ZFHX3: variants seen among roughly 807,000 people sequenced by gnomAD.
The protein encoded by ZFHX3 is zinc finger homeobox protein 3.
ZFHX3 carries 42 observed loss-of-function variants against 279.1 expected under a neutral mutation model. That is an observed-to-expected ratio of 0.15 (90% CI 0.12 to 0.19). The LOEUF is 0.19. Ranked by LOEUF, ZFHX3 falls within the 10% of genes least tolerant of loss-of-function variation. The pLI, the probability that ZFHX3 is intolerant of heterozygous loss-of-function variation, is 1.00. For missense variants in ZFHX3, 4,981 were observed against 4,754.0 expected (o/e 1.05, Z -1.40); for synonymous variants, 2,293 against 1,957.8 (o/e 1.17, Z -4.52).
intron 3 of ZFHX3, among the ~76,000 whole-genome samples, chr16:73,376,731 C>T (rs775014627): frequency 2.6e-5 from 4 of 152,118 alleles, no homozygotes; most frequent in Non-Finnish European, 4.4e-5. Flanking sequence ...GGAGGATGTG[C>T]ATCTTCTGTG....
chr16:73,538,394 C>T (rs1459875924), intron 2 of ZFHX3, among the ~76,000 whole-genome samples: 1 of 152,070 alleles, frequency 6.6e-6, no homozygotes, highest in Non-Finnish European at 1.5e-5. Context: ...AGTAATCAAC[C>T]TCAATTTCAG....
chr16:72,919,303 C>T (rs913792410), intron 3 of ZFHX3, among the ~76,000 whole-genome samples: 4 of 152,166 alleles, frequency 2.6e-5, no homozygotes, highest in South Asian at 4.1e-4. Context: ...GGACTACAGG[C>T]GTGCACCACC....
chr16:73,088,867 C>T (rs935560731), intron 8 of ZFHX3, among the ~76,000 whole-genome samples: 1 of 152,134 alleles, frequency 6.6e-6, no homozygotes, highest in African/African-American at 2.4e-5. Context: ...CTTGACCCTA[C>T]ATAGATCCTG....
In ZFHX3 at chr16:73,804,525, A is replaced by C. The variant is rs368052226; in HGVS notation, c.-1608+87126T>G. ...GAGGTGTAATTTCAGGGGCCAAGGA[A>C]AGCTTTATCCGCACCTTTCTTTCCC... On this transcript the variant is annotated intron_variant, in intron 1 of 17. Transcript: ENST00000641206. 3.3e-5 allele frequency among the ~76,000 whole-genome samples: 5 copies of C among 152,286 alleles called. No individual in the cohort carries two copies. The East Asian group carries it at 5.8e-4, about 18-fold the overall frequency.
chr16:73,265,109 G>A (rs1015231600), intron 4 of ZFHX3, among the ~76,000 whole-genome samples: 27 of 145,228 alleles, frequency 1.9e-4, no homozygotes, highest in African/African-American at 3.0e-4. Context: ...GTGTGTGTGT[G>A]TATATAACAG....
intron 3 of ZFHX3, among the ~76,000 whole-genome samples, chr16:73,414,569 G>A (rs2017532826): frequency 6.6e-6 from 1 of 152,224 alleles, no homozygotes; most frequent in South Asian, 2.1e-4. Context: ...GGGTAATTAA[G>A]AGGTAGGATC....
chr16:73,512,843 T>C (rs1351873277), intron 2 of ZFHX3, among the ~76,000 whole-genome samples: 1 of 152,234 alleles, frequency 6.6e-6, no homozygotes, highest in African/African-American at 2.4e-5. Context: ...ACTACCTGAC[T>C]ATGTTGCCTG....
At chr16:72,851,967 G>A (rs940400431) in intron 4 of ZFHX3, among the ~76,000 whole-genome samples, 5 of 152,172 alleles carry the variant, frequency 3.3e-5, no homozygotes, top group East Asian at 1.9e-4. Context: ...CAGCTTTTGC[G>A]TAGACTTTAG....
chr16:73,358,809 G>C lies in ZFHX3; in HGVS notation c.-1290-40473C>G, dbSNP rs138591038. Reference sequence around the variant, plus strand: ...CTCTGAAGTCAGACCACCAGGATCTGAATTCTGGCTCTATTCCTTGCCAGT... The same window carrying C: ...CTCTGAAGTCAGACCACCAGGATCTCAATTCTGGCTCTATTCCTTGCCAGT... On this transcript the variant is annotated intron_variant, in intron 3 of 17. Transcript: ENST00000641206. Among the ~76,000 whole-genome samples, 553 of 152,338 alleles carry C rather than the reference G, an allele frequency of 3.6e-3. 10 individuals carry two copies. Among genetic ancestry groups the C allele is most frequent in the East Asian group, 0.029 (152 of 5,182 alleles).
intron 5 of ZFHX3, among the ~76,000 whole-genome samples, chr16:73,168,805 C>T (rs989087753): frequency 2.6e-5 from 4 of 152,112 alleles, no homozygotes; most frequent in African/African-American, 4.8e-5. Context: ...TCAGCAATAC[C>T]GACCGTCCAC....
chr16:73,305,564 G>A (rs1481936250), intron 4 of ZFHX3, among the ~76,000 whole-genome samples: 1 of 151,826 alleles, frequency 6.6e-6, no homozygotes, highest in Non-Finnish European at 1.5e-5. Flanking sequence ...TGCTGATCCA[G>A]AAGCGAGCGC....
chr16:73,781,713 G>C (rs141748913), intron 1 of ZFHX3, among the ~76,000 whole-genome samples: 1 of 152,186 alleles, frequency 6.6e-6, no homozygotes, highest in Non-Finnish European at 1.5e-5. Context: ...AAGAGGTCGG[G>C]CGTGGTGGCG....
At chr16:73,627,645 G>A (rs757359361) in intron 2 of ZFHX3, among the ~76,000 whole-genome samples, 10 of 152,216 alleles carry the variant, frequency 6.6e-5, no homozygotes, top group Non-Finnish European at 1.3e-4. Context: ...TGGGGTGGGC[G>A]CAGTGGCTCA....
Position 72,794,567 on chromosome 16 carries a change from G to A in ZFHX3, c.8115C>T (p.Gly2705=), listed in dbSNP as rs775769386. 2.5e-6 allele frequency: 4 copies of A among 1,614,212 alleles called. No individual in the cohort carries two copies. The highest frequency in any genetic ancestry group is 3.3e-5 in the Admixed American group (2 of 60,026). ...GGCATCTCCTGTGGGCCTGCGCTGG[G>A]CCTACAGCCCGGAACTGTCCTTTCC... ...RERKGQFRAV[G]PAQAHRRCPF... Residue 2705 remains glycine (G), a synonymous_variant, in exon 9 of 10, where the codon GGC becomes GGT. Transcript: ENST00000268489. The surrounding 1 kb of genome is among the most constrained non-coding windows in gnomAD (Gnocchi z 4.2).
chr16:73,353,420 T>G (rs2016283847), intron 3 of ZFHX3, among the ~76,000 whole-genome samples: 2 of 152,198 alleles, frequency 1.3e-5, no homozygotes, highest in Non-Finnish European at 2.9e-5. Context: ...ACACACTGGA[T>G]CATTTCTGAA....
At position 72,794,216 on chromosome 16, in the gene ZFHX3, A is replaced by G; in HGVS notation, c.8466T>C (p.Asn2822=). Residue 2822 remains asparagine (N), a synonymous_variant, in exon 9 of 10, where the codon AAT becomes AAC. Transcript: ENST00000268489. This position sits in a 1 kb window ranked among gnomAD's most constrained non-coding sequence, Gnocchi z 4.2. ...CCAGCTTAGTTTGGTCAAAGTTTAGATTAACTGAGGACATGGAGGGGCTTT... is the reference window on the plus strand; with the variant it reads ...CCAGCTTAGTTTGGTCAAAGTTTAGGTTAACTGAGGACATGGAGGGGCTTT... ...DFESPSMSSV[N]LNFDQTKLDN... 6.2e-7 allele frequency: 1 copy of G among 1,614,132 alleles called. No homozygotes were observed. The highest frequency in any genetic ancestry group is 8.5e-7 in the Non-Finnish European group (1 of 1,180,036).
At chr16:73,238,256 A>G (rs1272145484) in intron 5 of ZFHX3, among the ~76,000 whole-genome samples, 1 of 152,166 alleles carries the variant, frequency 6.6e-6, no homozygotes, top group Non-Finnish European at 1.5e-5. Context: ...TGTAATGTAA[A>G]GCCTTGGCTT....
At chr16:73,722,564 A>G (rs1323729687) in intron 1 of ZFHX3, among the ~76,000 whole-genome samples, 1 of 152,188 alleles carries the variant, frequency 6.6e-6, no homozygotes, top group Non-Finnish European at 1.5e-5. Flanking sequence ...TATGAAATAC[A>G]CTGGCATGAA....
chr16:73,174,266 A>AAACAACAACAAC lies in ZFHX3; in HGVS notation c.-1103-30447_-1103-30436dup, dbSNP rs140975222. Among the ~76,000 whole-genome samples, 73 of 149,122 alleles carry AAACAACAACAAC rather than the reference A, an allele frequency of 4.9e-4. 1 individual carries two copies. Among genetic ancestry groups the AAACAACAACAAC allele is most frequent in the Middle Eastern group, 6.8e-3 (2 of 292 alleles). On this transcript the variant is annotated intron_variant, in intron 5 of 17. Coordinates refer to the ZFHX3 transcript ENST00000641206. ...AATGGGTGGTGTGTGTGTTCACACA[A>AAACAACAACAAC]AACAACAACAACAACAACAACAACA...
Sources: allele counts gnomAD v4.1 joint callset (sites outside exome capture counted in the v4.1 genomes callset), GRCh38; gene constraint gnomAD v4.1.1; non-coding constraint Gnocchi (gnomAD v3.1); transcripts MANE v1.5; gene names NCBI Gene and HGNC (gene_info 2026-07-23, HGNC 2026-07-21).